DNAH6: variants seen among roughly 807,000 people sequenced by gnomAD.
The protein encoded by DNAH6 is dynein axonemal heavy chain 6.
A neutral mutation model predicts 491.4 loss-of-function variants in DNAH6; 340 were observed. The ratio of observed to expected loss-of-function variants is 0.69; its 90% CI spans 0.63 to 0.76. DNAH6 has a LOEUF of 0.76. DNAH6 is among the 30% of genes least tolerant of loss of function. The pLI is 0.00. For missense variants in DNAH6, 4,443 were observed against 4,972.2 expected (o/e 0.89, Z 3.20); for synonymous variants, 1,603 against 1,686.1 (o/e 0.95, Z 1.21).
intron 64 of DNAH6, among the ~76,000 whole-genome samples, chr2:84,769,263 A>G (rs1675387511): frequency 6.6e-6 from 1 of 152,148 alleles, no homozygotes; most frequent in African/African-American, 2.4e-5. Flanking sequence ...TAAAAGCCAT[A>G]TTTTACGTGC....
At chr2:84,675,243 G>C (rs771347379) in intron 40 of DNAH6, among the ~76,000 whole-genome samples, 23 of 152,084 alleles carry the variant, frequency 1.5e-4, no homozygotes, top group Non-Finnish European at 2.6e-4. Flanking sequence ...CTTCATGTTA[G>C]ACTCTGAGCT....
rs537702517 is a variant in DNAH6 at position 84,716,018 on chromosome 2, G to A, written c.9611+391G>A. 4.6e-5 allele frequency among the ~76,000 whole-genome samples: 7 copies of A among 152,012 alleles called. No individual in the cohort carries two copies. In the East Asian group the frequency reaches 1.3e-3, roughly 29 times the overall value. ...AAAAACAGCTTCTCCAAATATATTTGTTCCAGCTTCACTGGTTTTTAGGTG... is the reference window on the plus strand; with the variant it reads ...AAAAACAGCTTCTCCAAATATATTTATTCCAGCTTCACTGGTTTTTAGGTG... On this transcript the variant is annotated intron_variant, in intron 58 of 76. Transcript: ENST00000389394.
intron 59 of DNAH6, among the ~76,000 whole-genome samples, chr2:84,721,117 T>C (rs959551823): frequency 1.3e-5 from 2 of 152,246 alleles, no homozygotes; most frequent in African/African-American, 4.8e-5. Context: ...TATTCTAATA[T>C]TCTTTGGCAA....
At chr2:84,642,137 T>C (rs1236037552) in intron 33 of DNAH6, 83 bp downstream of exon 33, 18 of 952,288 alleles carry the variant, frequency 1.9e-5, no homozygotes, top group African/African-American at 3.3e-5. Flanking sequence ...TTTCTTTCTC[T>C]AACAAGCTGA....
At chr2:84,718,729 C>G (rs1697795723) in intron 59 of DNAH6, among the ~76,000 whole-genome samples, 1 of 152,246 alleles carries the variant, frequency 6.6e-6, no homozygotes, top group African/African-American at 2.4e-5. Context: ...TAACTTCCTC[C>G]TCCTCAGAAC....
At position 84,756,367 on chromosome 2, in the gene DNAH6, T is replaced by G. The variant is rs531067106; in HGVS notation, c.10513-6388T>G. 5.3e-5 allele frequency among the ~76,000 whole-genome samples: 8 copies of G among 152,376 alleles called. No individual in the cohort carries two copies. In the South Asian group the frequency reaches 1.7e-3, roughly 32 times the overall value. Reference sequence around the variant, plus strand: ...ATTATTACCAATTTAAAGTTTGAGTTACTGTAATTCTCATAACCTGTTTAA... The same window carrying G: ...ATTATTACCAATTTAAAGTTTGAGTGACTGTAATTCTCATAACCTGTTTAA... On this transcript the variant is annotated intron_variant, in intron 63 of 76. Coordinates refer to ENST00000389394, the MANE Select transcript of DNAH6 (RefSeq NM_001370.2).
At chr2:84,645,344 G>A (rs950567158) in intron 33 of DNAH6, among the ~76,000 whole-genome samples, 3 of 152,182 alleles carry the variant, frequency 2.0e-5, no homozygotes, top group Non-Finnish European at 2.9e-5. Context: ...ACTTGAAACC[G>A]TGAGGTGGAG....
intron 59 of DNAH6, among the ~76,000 whole-genome samples, chr2:84,721,194 C>T (rs1422157197): frequency 6.6e-6 from 1 of 152,170 alleles, no homozygotes; most frequent in Non-Finnish European, 1.5e-5. Context: ...GCCTTGTGCT[C>T]CCTAAGACAT....
intron 60 of DNAH6, among the ~76,000 whole-genome samples, chr2:84,726,885 A>G (rs1031640963): frequency 2.8e-4 from 42 of 152,218 alleles, no homozygotes; most frequent in African/African-American, 9.9e-4. Flanking sequence ...CAATGCCACC[A>G]TCTCTACTGC....
At chr2:84,671,695 G>C (rs1692753954) in intron 39 of DNAH6, among the ~76,000 whole-genome samples, 2 of 152,214 alleles carry the variant, frequency 1.3e-5, no homozygotes, top group Admixed American at 1.3e-4. Context: ...ATGGAGTGGA[G>C]CACTCAGTTT....
At chr2:84,639,689 G>A (rs1039972687) in intron 31 of DNAH6, among the ~76,000 whole-genome samples, 22 of 152,026 alleles carry the variant, frequency 1.4e-4, no homozygotes, top group Admixed American at 5.2e-4. Context: ...CAAAGTGCTG[G>A]GATTACAGGT....
chr2:84,680,995 G>A lies in DNAH6; in HGVS notation c.6745-362G>A, dbSNP rs541486566. Among the ~76,000 whole-genome samples, 5 of 152,214 alleles carry A rather than the reference G, an allele frequency of 3.3e-5. No individual in the cohort carries two copies. In the East Asian group the frequency reaches 9.7e-4, roughly 29 times the overall value. On this transcript the variant is annotated intron_variant, in intron 41 of 76. Coordinates refer to ENST00000389394, the MANE Select transcript of DNAH6 (RefSeq NM_001370.2). The stretch of plus-strand genomic sequence containing the variant: ...AAGATGAAAGTCTATGAGAGTGGTG[G>A]TCATTCATCCATAAAAGTGAGAGAG...
Position 84,787,180 on chromosome 2 carries a change from G to A in DNAH6, c.11117G>A (p.Gly3706Asp). The A allele has an allele frequency of 1.5e-5, 22 of 1,515,014 alleles. No individual in the cohort carries two copies. The highest frequency in any genetic ancestry group is 1.9e-5 in the Non-Finnish European group (22 of 1,130,524). The allele number at this position is 1,515,014 out of a possible 1,614,324, so 93.8% of individuals were successfully genotyped here. ...TCATTTTAGGAGAGAAAGAAGTTTGGCCCCCTTGGTTGGAATATCTGCTAT... is the reference window on the plus strand; with the variant it reads ...TCATTTTAGGAGAGAAAGAAGTTTGACCCCCTTGGTTGGAATATCTGCTAT... ...HAIIQERKKF[G>D]PLGWNICYEF... The change falls in exon 68 of 77, where the codon GGC becomes GAC. Residue 3706 changes from glycine (G) to aspartate (D), a missense_variant. Physicochemically the swap from Gly to Asp is moderately conservative, Grantham distance 94. Around this residue, in one of 3 missense-constraint regions of DNAH6, gnomAD observed 1,463 missense variants for 1,656.6 expected, o/e 0.88. Coordinates refer to ENST00000389394, the MANE Select transcript of DNAH6 (RefSeq NM_001370.2).
At chr2:84,815,497 A>C (rs1192357) in intron 75 of DNAH6, among the ~76,000 whole-genome samples, 27,981 of 152,174 alleles carry the variant, frequency 0.18, 2,678 homozygotes, top group African/African-American at 0.26. Flanking sequence ...AGTAAGCATA[A>C]TTTTTAAAAA....
At chr2:84,474,923 C>T in the DNAH6 span, among the ~76,000 whole-genome samples, 10 of 152,176 alleles carry the variant, frequency 6.6e-5, 1 homozygote, top group South Asian at 2.1e-4. Context: ...AATATACAGC[C>T]GTTCCTGTTG....
rs2104598963 is a variant in DNAH6 at position 84,557,821 on chromosome 2, C to T, written c.1689C>T (p.Phe563=). Residue 563 remains phenylalanine, a synonymous_variant, in exon 11 of 77, where the codon TTC becomes TTT. Coordinates refer to ENST00000389394, the MANE Select transcript of DNAH6 (RefSeq NM_001370.2). ...TGCCTGATTCGTATTTTGATGCTTT[C>T]ACCAGCCCTTATATTAACAACAAAC... The part of the protein sequence containing the change: ...NLVPDSYFDA[F]TSPYINNKLE... 1.2e-6 allele frequency: 2 copies of T among 1,613,266 alleles called. No homozygotes were observed. The highest frequency in any genetic ancestry group is 1.7e-6 in the Non-Finnish European group (2 of 1,179,528).
At chr2:84,814,770 G>C (rs746187731) in intron 75 of DNAH6, among the ~76,000 whole-genome samples, 1 of 152,156 alleles carries the variant, frequency 6.6e-6, no homozygotes, top group African/African-American at 2.4e-5. Flanking sequence ...GGTCATGTGC[G>C]CTGAGCCATG....
rs764852459 is a variant in DNAH6, at chr2:84,707,588, G to A, written c.8920G>A (p.Glu2974Lys). 1 of 1,552,094 alleles carries A rather than the reference G, an allele frequency of 6.4e-7. No individual in the cohort carries two copies. Among genetic ancestry groups the A allele is most frequent in the Admixed American group, 2.0e-5 (1 of 51,014 alleles). Reference protein sequence around the residue: ...AGKLTAALEDEQVRWEESIQK... With the variant: ...AGKLTAALEDKQVRWEESIQK... ...AAAGCTGACAGCAGCATTAGAAGAT[G>A]AGCAGGTTCGATGGGAAGAAAGCAT... Residue 2974 changes from glutamate to lysine, a missense_variant, in exon 54 of 77, where the codon GAG becomes AAG. By Grantham distance (56) the Glu-to-Lys change is moderately conservative. Coordinates refer to ENST00000389394, the MANE Select transcript of DNAH6 (RefSeq NM_001370.2).
chr2:84,801,680 TC>T (rs1678932387), intron 70 of DNAH6, among the ~76,000 whole-genome samples: 1 of 152,008 alleles, frequency 6.6e-6, no homozygotes, highest in African/African-American at 2.4e-5. Context: ...GCTCAGGAGT[TC>T]CAGACCAGCC....
Sources: gnomAD v4.1 joint callset for allele counts (sites outside exome capture counted in the v4.1 genomes callset) on GRCh38, gnomAD v4.1.1 for gene constraint, gnomAD v4.1.1 regional missense constraint, MANE v1.5 for transcripts, NCBI Gene and HGNC (gene_info 2026-07-23, HGNC 2026-07-21) for gene names.